The following RCAN3 variants were observed in gnomAD, a reference collection of about 807,000 sequenced individuals.
RCAN3 encodes the protein calcipressin-3.
Under a neutral mutation model 21.9 loss-of-function variants are expected in RCAN3, and 19 were observed. The ratio of observed to expected loss-of-function variants is 0.87; its 90% CI spans 0.61 to 1.27. The LOEUF (loss-of-function observed/expected upper bound fraction) is 1.27. RCAN3 is among the 50% of genes most tolerant of loss of function. The pLI, the probability that RCAN3 is intolerant of heterozygous loss-of-function variation, is 0.00. For missense variants in RCAN3, 240 were observed against 300.1 expected (o/e 0.80, Z 1.48); for synonymous variants, 114 against 112.3 (o/e 1.01, Z -0.09).
intron 1 of RCAN3, among the ~76,000 whole-genome samples, chr1:24,508,953 G>A (rs1312152610): frequency 6.6e-6 from 1 of 152,176 alleles, no homozygotes; most frequent in Non-Finnish European, 1.5e-5. Context: ...TTGAACCCAT[G>A]AGTTTGAGAC....
At chr1:24,518,490 G>A (rs1648524179) in intron 2 of RCAN3, among the ~76,000 whole-genome samples, 1 of 152,150 alleles carries the variant, frequency 6.6e-6, no homozygotes, top group African/African-American at 2.4e-5. Flanking sequence ...GCTCCATCAG[G>A]AGTGCGACAG....
Position 24,513,536 on chromosome 1 carries a change from G to C in RCAN3, c.-59-778G>C, listed in dbSNP as rs577444198. Among the ~76,000 whole-genome samples the C allele has an allele frequency of 1.6e-4, 25 of 151,558 alleles. No homozygotes were observed. The South Asian group carries it at 4.4e-3, about 27-fold the overall frequency. ...TATAAAAAGTTAGCCGGGCATGGTG[G>C]TACACGCCTGTAGTGGAGGCTGAGG... On this transcript the variant is annotated intron_variant, in intron 1 of 4. Coordinates refer to ENST00000374395, the MANE Select transcript of RCAN3 (RefSeq NM_013441.4).
intron 2 of RCAN3, among the ~76,000 whole-genome samples, chr1:24,517,928 C>T (rs1648473444): frequency 6.6e-6 from 1 of 152,168 alleles, no homozygotes; most frequent in Non-Finnish European, 1.5e-5. Flanking sequence ...CTGAAATCAG[C>T]TGTTTATTCA....
In RCAN3 at chr1:24,511,735, CG is replaced by C. The variant is rs1647902630; in HGVS notation, c.-59-2577del. ...GAAGTGAGCACATCCCGTTTGAAAG[CG>C]GTACTGATAGACTTGCTCAGTGCAG... On this transcript the variant is annotated intron_variant, in intron 1 of 4. Coordinates refer to ENST00000374395, the MANE Select transcript of RCAN3 (RefSeq NM_013441.4). Among the ~76,000 whole-genome samples the C allele has an allele frequency of 2.6e-5, 4 of 152,276 alleles. No homozygotes were observed. In the South Asian group the frequency reaches 8.3e-4, roughly 32 times the overall value.
intron 2 of RCAN3, among the ~76,000 whole-genome samples, chr1:24,529,249 T>C (rs1184957750): frequency 6.7e-6 from 1 of 150,212 alleles, no homozygotes; most frequent in Admixed American, 6.6e-5. Context: ...TGTACAAAAA[T>C]AAAATAAAAT....
intron 1 of RCAN3, among the ~76,000 whole-genome samples, chr1:24,504,175 C>CT (rs1389535014): frequency 6.6e-6 from 1 of 152,184 alleles, no homozygotes; most frequent in Non-Finnish European, 1.5e-5. Flanking sequence ...CTTGCCTTTT[C>CT]TTTTCTCTTC....
At chr1:24,513,828 C>A (rs1012388668) in intron 1 of RCAN3, among the ~76,000 whole-genome samples, 3 of 152,148 alleles carry the variant, frequency 2.0e-5, no homozygotes, top group Admixed American at 2.0e-4. Context: ...TCAAAAAGAA[C>A]AAATTGGTTA....
rs1557581926 is a variant in RCAN3 at position 24,535,238 on chromosome 1, A to T, written c.687A>T (p.Ala229=). The change falls in exon 5 of 5, where the codon GCA becomes GCT. Residue 229 remains alanine (A), a synonymous_variant. Coordinates refer to ENST00000374395, the MANE Select transcript of RCAN3 (RefSeq NM_013441.4). ...CGAGGCGCCCCGACCCTCCGACCGC[A>T]GCGTTGAATGAGCCCCAGACCTTTG... The part of the protein sequence containing the change: ...AQTRRPDPPT[A]ALNEPQTFDC... The T allele has an allele frequency of 4.4e-6, 7 of 1,580,138 alleles. No individual in the cohort carries two copies. The highest frequency in any genetic ancestry group is 2.6e-6 in the Non-Finnish European group (3 of 1,168,600).
chr1:24,538,033 C>T lies in RCAN3; in HGVS notation c.*2756C>T, dbSNP rs1246284806. ...ATGGTGCTTTGTGTTGGGAAAAAAACATTTGTGAAGGATTAGAAAACCGTA... is the reference window on the plus strand; with the variant it reads ...ATGGTGCTTTGTGTTGGGAAAAAAATATTTGTGAAGGATTAGAAAACCGTA... On this transcript the variant is annotated 3_prime_UTR_variant, in exon 5 of 5. Coordinates refer to ENST00000374395, the MANE Select transcript of RCAN3 (RefSeq NM_013441.4). The T allele has an allele frequency of 6.6e-6, 1 of 152,098 alleles. No individual in the cohort carries two copies. Among genetic ancestry groups the T allele is most frequent in the Non-Finnish European group, 1.5e-5 (1 of 68,032 alleles). The allele number at this position is 152,098 out of a possible 1,614,324, so 9.4% of individuals were successfully genotyped here. A position where few individuals can be genotyped will look rare whatever the true frequency, so the allele number is the denominator to read the frequency against.
At chr1:24,510,558 T>C (rs1448087895) in intron 1 of RCAN3, among the ~76,000 whole-genome samples, 3 of 152,202 alleles carry the variant, frequency 2.0e-5, no homozygotes, top group East Asian at 1.9e-4. Context: ...TCATCCTTCA[T>C]AGAAGTGAAG....
chr1:24,530,936 A>G (rs1484595361), intron 2 of RCAN3, among the ~76,000 whole-genome samples: 1 of 152,118 alleles, frequency 6.6e-6, no homozygotes, highest in East Asian at 1.9e-4. Flanking sequence ...CTTGAATCCA[A>G]GAGGTGGAGG....
intron 2 of RCAN3, among the ~76,000 whole-genome samples, chr1:24,526,118 G>A (rs576058620): frequency 3.3e-5 from 5 of 152,138 alleles, no homozygotes; most frequent in African/African-American, 1.2e-4. Flanking sequence ...GAGAGACAGG[G>A]TCTCACTCTG....
chr1:24,536,075 T>G lies in RCAN3; in HGVS notation c.*798T>G, dbSNP rs984530353. Reference sequence around the variant, plus strand: ...CGCAGGTGGCTACTGCATTCTGCCGTTCGTGACCGTGTTCTAGCCTGTAGA... The same window carrying G: ...CGCAGGTGGCTACTGCATTCTGCCGGTCGTGACCGTGTTCTAGCCTGTAGA... On this transcript the variant is annotated 3_prime_UTR_variant, in exon 5 of 5. Transcript: ENST00000374395. 3.3e-5 allele frequency: 5 copies of G among 152,218 alleles called. No homozygotes were observed. The highest frequency in any genetic ancestry group is 7.3e-5 in the Non-Finnish European group (5 of 68,042). 9.4% of individuals were successfully genotyped at this position (152,218 alleles called of 1,614,324 possible).
chr1:24,520,194 A>AT lies in RCAN3; in HGVS notation c.195+5628dup, dbSNP rs553288534. On this transcript the variant is annotated intron_variant, in intron 2 of 4. Coordinates refer to ENST00000374395, the MANE Select transcript of RCAN3 (RefSeq NM_013441.4). ...TAGTTAACTGTGTTTTTAACAGAGC[A>AT]TGAAACATCCTAAGGTTTCACTAAG... 2.6e-5 allele frequency among the ~76,000 whole-genome samples: 4 copies of AT among 152,338 alleles called. No homozygotes were observed. In the South Asian group the frequency reaches 8.3e-4, roughly 32 times the overall value.
intron 4 of RCAN3, 61 bp downstream of exon 4, chr1:24,533,315 T>C: frequency 7.5e-7 from 1 of 1,327,932 alleles, no homozygotes; most frequent in Non-Finnish European, 1.0e-6. Flanking sequence ...GAAGATCGTA[T>C]TCAGCAGTGT....
At chr1:24,533,323 T>C in intron 4 of RCAN3, 69 bp downstream of exon 4, 2 of 1,260,556 alleles carry the variant, frequency 1.6e-6, no homozygotes, top group East Asian at 5.5e-5. Flanking sequence ...TATTCAGCAG[T>C]GTGCATTGTG....
At chr1:24,522,193 A>G (rs552701533) in intron 2 of RCAN3, among the ~76,000 whole-genome samples, 2 of 152,198 alleles carry the variant, frequency 1.3e-5, no homozygotes, top group African/African-American at 2.4e-5. Flanking sequence ...ATACACACAC[A>G]TGTGTGTGCG....
chr1:24,507,992 C>T (rs192031355), intron 1 of RCAN3, among the ~76,000 whole-genome samples: 141 of 152,280 alleles, frequency 9.3e-4, no homozygotes, highest in Non-Finnish European at 1.7e-3. Context: ...GCAGGAGAAT[C>T]GCTTGAACCC....
At chr1:24,521,546 G>A (rs905485789) in intron 2 of RCAN3, among the ~76,000 whole-genome samples, 19 of 152,152 alleles carry the variant, frequency 1.2e-4, no homozygotes, top group African/African-American at 4.6e-4. Context: ...ATAATAGCAT[G>A]CTTTTAAAAG....
Sources: allele counts gnomAD v4.1 joint callset (sites outside exome capture counted in the v4.1 genomes callset), GRCh38; gene constraint gnomAD v4.1.1; transcripts MANE v1.5; gene names NCBI Gene and HGNC (gene_info 2026-07-23, HGNC 2026-07-21).